HTR5A: variants seen among roughly 807,000 people sequenced by gnomAD.
HTR5A encodes the protein 5-HT-5.
Under a neutral mutation model 24.3 loss-of-function variants are expected in HTR5A, and 21 were observed. That is an observed-to-expected ratio of 0.86 (90% confidence interval 0.61 to 1.24). HTR5A has a LOEUF of 1.24. Ranked by LOEUF, HTR5A falls within the 50% of genes most tolerant of loss-of-function variation. The probability of loss-of-function intolerance (pLI) is 0.00; values close to 1 mark genes in which losing one functional copy is unlikely to be tolerated. For missense variants in HTR5A, 497 were observed against 489.5 expected (o/e 1.02, Z -0.15); for synonymous variants, 260 against 213.7 (o/e 1.22, Z -1.89).
At chr7:155,071,815 G>T (rs570548529) in intron 1 of HTR5A, among the ~76,000 whole-genome samples, 175 bp downstream of exon 1, 29 of 152,298 alleles carry the variant, frequency 1.9e-4, no homozygotes, top group Non-Finnish European at 3.2e-4. Flanking sequence ...GCTCTGACAT[G>T]TTCCCTCTCA....
chr7:155,082,906 A>T (rs2150821218), intron 1 of HTR5A, among the ~76,000 whole-genome samples: 1 of 152,310 alleles, frequency 6.6e-6, no homozygotes, highest in Admixed American at 6.5e-5. Context: ...AGTTTGGACT[A>T]TTATGGACCA....
rs374005198 is a variant in HTR5A at position 155,071,333 on chromosome 7, G to A, written c.434G>A (p.Arg145His). 6.1e-5 allele frequency: 99 copies of A among 1,612,750 alleles called. No individual in the cohort carries two copies. The highest frequency in any genetic ancestry group is 8.2e-5 in the Non-Finnish European group (97 of 1,180,046). ...CTGGACCGCTACTGGTCCATCACGC[G>A]CCACATGGAATACACGCTCCGCACC... ...IALDRYWSIT[R>H]HMEYTLRTRK... is the part of the protein sequence containing the mutation. Residue 145 changes from arginine (R) to histidine (H), a missense_variant, in exon 1 of 2, where the codon CGC becomes CAC. By Grantham distance (29) the Arg-to-His change is conservative. Coordinates refer to ENST00000287907, the MANE Select transcript of HTR5A (RefSeq NM_024012.4).
At chr7:155,072,039 G>C (rs562857759) in intron 1 of HTR5A, among the ~76,000 whole-genome samples, 5 of 152,176 alleles carry the variant, frequency 3.3e-5, no homozygotes, top group Non-Finnish European at 7.4e-5. Flanking sequence ...CTTAGAATGG[G>C]GGTGTTCCAG....
In HTR5A at chr7:155,070,945, TC is replaced by T; in HGVS notation, c.50del (p.Pro17LeufsTer80). 1 of 1,608,372 alleles carries T rather than the reference TC, an allele frequency of 6.2e-7. No individual in the cohort carries two copies. The highest frequency in any genetic ancestry group is 8.5e-7 in the Non-Finnish European group (1 of 1,179,728). The part of the protein sequence containing the change: ...NLTSFSLSTP[S>X]PLETNHSLGK... ...AACCTCCTTTTCCCTCTCCACCCCC[TC>T]CCCTTTGGAGACCAACCACAGCCTC... On this transcript the variant is annotated frameshift_variant, in exon 1 of 2. Transcript: ENST00000287907. LOFTEE classifies it high-confidence loss of function.
At chr7:155,075,294 G>A (rs2150818284) in intron 1 of HTR5A, among the ~76,000 whole-genome samples, 1 of 152,194 alleles carries the variant, frequency 6.6e-6, no homozygotes, top group Middle Eastern at 3.4e-3. Flanking sequence ...TAATGATGAA[G>A]TTTCATCTGT....
intron 1 of HTR5A, chr7:155,074,862 G>A (rs1028205470): frequency 4.6e-5 from 7 of 150,916 alleles, no homozygotes; most frequent in African/African-American, 1.5e-4. Flanking sequence ...AACAGCAAAA[G>A]CAAAGCAAGC....
At chr7:155,077,473 T>G (rs1447731658) in intron 1 of HTR5A, among the ~76,000 whole-genome samples, 1 of 150,328 alleles carries the variant, frequency 6.7e-6, no homozygotes, top group Non-Finnish European at 1.5e-5. Context: ...TTTGTTTTTT[T>G]TTTTTTTTGA....
Position 155,086,190 on chromosome 7 carries a change from A to G in HTR5A, c.*1703A>G, listed in dbSNP as rs1042321492. 6.6e-6 allele frequency among the ~76,000 whole-genome samples: 1 copy of G among 152,240 alleles called. No individual in the cohort carries two copies. Among genetic ancestry groups the G allele is most frequent in the Non-Finnish European group, 1.5e-5 (1 of 68,028 alleles). ...GTGTTTTGAATAAGGGAAGTGTTTG[A>G]ATAAGGGAAGGGAAGTGTTTGAAAA... On this transcript the variant is annotated 3_prime_UTR_variant, in exon 2 of 2. Coordinates refer to ENST00000287907, the MANE Select transcript of HTR5A (RefSeq NM_024012.4).
chr7:155,077,256 T>C (rs1009473928), intron 1 of HTR5A: 4 of 152,194 alleles, frequency 2.6e-5, no homozygotes, highest in African/African-American at 9.7e-5. Context: ...ATTAAAGAAG[T>C]ATTCTTTTGA....
At chr7:155,081,339 A>T (rs1795414946) in intron 1 of HTR5A, among the ~76,000 whole-genome samples, 1 of 152,182 alleles carries the variant, frequency 6.6e-6, no homozygotes, top group African/African-American at 2.4e-5. Flanking sequence ...TGGATGAAAT[A>T]AAAGAACATA....
At chr7:155,079,065 C>T (rs1012883847) in intron 1 of HTR5A, among the ~76,000 whole-genome samples, 11 of 152,050 alleles carry the variant, frequency 7.2e-5, no homozygotes, top group Non-Finnish European at 1.3e-4. Context: ...ATGCAGTCCT[C>T]ACACCTCAGC....
chr7:155,082,375 C>T (rs1436676933), intron 1 of HTR5A, among the ~76,000 whole-genome samples: 9 of 151,532 alleles, frequency 5.9e-5, no homozygotes, highest in Non-Finnish European at 8.8e-5. Context: ...GAATCTTCAG[C>T]GTGACCAGCA....
At chr7:155,080,605 T>C (rs1029022418) in intron 1 of HTR5A, among the ~76,000 whole-genome samples, 8 of 152,204 alleles carry the variant, frequency 5.3e-5, no homozygotes, top group Admixed American at 5.2e-4. Context: ...AAGACAAAGC[T>C]GAATCTTTGA....
chr7:155,085,789 T>C lies in HTR5A; in HGVS notation c.*1302T>C, dbSNP rs572438286. On this transcript the variant is annotated 3_prime_UTR_variant, in exon 2 of 2. Coordinates refer to ENST00000287907, the MANE Select transcript of HTR5A (RefSeq NM_024012.4). ...ATGTAGTATATTGTATATAATAAATTATATCAATTAAGAGTTCAAACATAG... is the reference window on the plus strand; with the variant it reads ...ATGTAGTATATTGTATATAATAAATCATATCAATTAAGAGTTCAAACATAG... The C allele has an allele frequency of 2.0e-5, 3 of 152,168 alleles. No individual in the cohort carries two copies. Among genetic ancestry groups the C allele is most frequent in the Admixed American group, 6.5e-5 (1 of 15,282 alleles). The allele number at this position is 152,168 out of a possible 1,614,324, so 9.4% of individuals were successfully genotyped here. A position where few individuals can be genotyped will look rare whatever the true frequency, so the allele number is the denominator to read the frequency against.
chr7:155,071,341 G>A lies in HTR5A; in HGVS notation c.442G>A (p.Glu148Lys). ...CTACTGGTCCATCACGCGCCACATG[G>A]AATACACGCTCCGCACCCGCAAGTG... The part of the protein sequence containing the change: ...DRYWSITRHM[E>K]YTLRTRKCVS... Residue 148 changes from glutamate to lysine, a missense_variant, in exon 1 of 2, where the codon GAA (glutamate) becomes AAA (lysine). Transcript: ENST00000287907. 6.2e-7 allele frequency: 1 copy of A among 1,613,320 alleles called. No homozygotes were observed. Among genetic ancestry groups the A allele is most frequent in the Non-Finnish European group, 8.5e-7 (1 of 1,180,040 alleles).
rs544321107 is a variant in HTR5A at position 155,084,040 on chromosome 7, C to A, written c.742-115C>A. The A allele has an allele frequency of 1.0e-5, 8 of 787,494 alleles. No individual in the cohort carries two copies. The South Asian group carries it at 1.5e-4, about 15-fold the overall frequency. 48.8% of individuals were successfully genotyped at this position (787,494 alleles called of 1,614,324 possible). On this transcript the variant is annotated intron_variant, in intron 1 of 1. Coordinates refer to ENST00000287907, the MANE Select transcript of HTR5A (RefSeq NM_024012.4). Reference sequence around the variant, plus strand: ...AGGCCTTCAGGTTCCCACACCTATCCATCGAAGACTTTCCCTTGAGTGGAT... The same window carrying A: ...AGGCCTTCAGGTTCCCACACCTATCAATCGAAGACTTTCCCTTGAGTGGAT...
At position 155,084,270 on chromosome 7, in the gene HTR5A, T is replaced by A. The variant is rs764432346; in HGVS notation, c.857T>A (p.Met286Lys). The stretch of plus-strand genomic sequence containing the variant: ...CAGAAGGAGCAGCGGGCCGCCCTCA[T>A]GGTGGGCATCCTCATTGGCGTGTTC... ...REQKEQRAAL[M>K]VGILIGVFVL... Residue 286 changes from methionine (M) to lysine (K), a missense_variant, in exon 2 of 2, where the codon ATG becomes AAG. Transcript: ENST00000287907. The A allele has an allele frequency of 6.2e-7, 1 of 1,614,014 alleles. No individual in the cohort carries two copies. The highest frequency in any genetic ancestry group is 8.5e-7 in the Non-Finnish European group (1 of 1,179,994).
chr7:155,070,532 C>G lies in HTR5A; in HGVS notation c.-368C>G. Reference sequence around the variant, plus strand: ...CACCAGCCCCTCTCCTGCACCCACACGCTGCTGGCCGCCCAGCTTCTCCCC... The same window carrying G: ...CACCAGCCCCTCTCCTGCACCCACAGGCTGCTGGCCGCCCAGCTTCTCCCC... On this transcript the variant is annotated 5_prime_UTR_variant, in exon 1 of 2. Transcript: ENST00000287907. 2 of 360,036 alleles carry G rather than the reference C, an allele frequency of 5.6e-6. No individual in the cohort carries two copies. Among genetic ancestry groups the G allele is most frequent in the Non-Finnish European group, 5.3e-6 (1 of 187,740 alleles). The allele number at this position is 360,036 out of a possible 1,614,324, so 22.3% of individuals were successfully genotyped here.
At chr7:155,084,130 T>A (rs766540353) in intron 1 of HTR5A, 25 bp from the exon 2 acceptor site, 9 of 1,556,074 alleles carry the variant, frequency 5.8e-6, no homozygotes, top group Non-Finnish European at 7.0e-6. Flanking sequence ...TGGCTCCTCA[T>A]AAAGCTCCTG....
Sources: allele counts gnomAD v4.1 joint callset (sites outside exome capture counted in the v4.1 genomes callset), GRCh38; gene constraint gnomAD v4.1.1; transcripts MANE v1.5; gene names NCBI Gene and HGNC (gene_info 2026-07-23, HGNC 2026-07-21).